The following LRRC75A variants were observed in gnomAD, a reference collection of about 807,000 sequenced individuals.
The protein encoded by LRRC75A is leucine-rich repeat-containing protein 75A.
Under a neutral mutation model 26.0 loss-of-function variants are expected in LRRC75A, and 12 were observed. The observed-to-expected ratio is 0.46, with a 90% confidence interval of 0.30 to 0.75. The LOEUF (loss-of-function observed/expected upper bound fraction) is 0.75. Among genes scored for constraint, LRRC75A ranks in the 30% least tolerant of loss-of-function variants. The pLI, the probability that LRRC75A is intolerant of heterozygous loss-of-function variation, is 0.08. For missense variants in LRRC75A, 410 were observed against 486.6 expected, an observed-to-expected ratio of 0.84 and a Z score of 1.48; for synonymous variants, 223 against 219.3, an observed-to-expected ratio of 1.02 and a Z score of -0.15.
chr17:16,484,912 C>T (rs191545209), intron 1 of LRRC75A, among the ~76,000 whole-genome samples: 10 of 150,598 alleles, frequency 6.6e-5, no homozygotes, highest in African/African-American at 2.0e-4. Flanking sequence ...CAGCAGCCGT[C>T]GGCAGAGCTC....
chr17:16,466,234 G>C (rs1027531112), intron 1 of LRRC75A, among the ~76,000 whole-genome samples: 2 of 152,218 alleles, frequency 1.3e-5, no homozygotes, highest in Non-Finnish European at 2.9e-5. Context: ...GTGTGAGGGA[G>C]GAGAGGTCAC....
rs972142529 is a variant in LRRC75A at position 16,449,079 on chromosome 17, T to TGCTGAGGCTTGGATGCAAGC, written c.376-1139_376-1120dup. 2.9e-4 allele frequency among the ~76,000 whole-genome samples: 44 copies of TGCTGAGGCTTGGATGCAAGC among 152,304 alleles called. 1 individual carries two copies. Among genetic ancestry groups the TGCTGAGGCTTGGATGCAAGC allele is most frequent in the African/African-American group, 9.1e-4 (38 of 41,564 alleles). ...AAGCGTGCTCCTGCCAGTGGGCCAG[T>TGCTGAGGCTTGGATGCAAGC]GCTGAGGCTTGGATGCAAGCGCTGA... On this transcript the variant is annotated intron_variant, in intron 2 of 3. Coordinates refer to ENST00000470794, the MANE Select transcript of LRRC75A (RefSeq NM_001113567.3).
intron 2 of LRRC75A, 44 bp from the exon 3 acceptor site, chr17:16,448,004 G>A (rs983847134): frequency 6.7e-7 from 1 of 1,492,588 alleles, no homozygotes; most frequent in Non-Finnish European, 9.1e-7. Flanking sequence ...GTGGCTGGGT[G>A]CACCAGTCTC....
Position 16,491,957 on chromosome 17 carries a change from C to T in LRRC75A, c.34G>A (p.Glu12Lys). Reference sequence around the variant, plus strand: ...GGCGCGGCGCCGGGGCTGGCTCTCTCCGCCAGGCTGCCCTTGGTCTGCCGG... The same window carrying T: ...GGCGCGGCGCCGGGGCTGGCTCTCTTCGCCAGGCTGCCCTTGGTCTGCCGG... ...GTRQTKGSLA[E>K]RASPGAAPGP... The change falls in exon 1 of 4, where the codon GAG (glutamate) becomes AAG (lysine). Residue 12 changes from glutamate (E) to lysine (K), a missense_variant. Transcript: ENST00000470794. This position sits in a 1 kb window ranked among gnomAD's most constrained non-coding sequence, Gnocchi z 5.9. The T allele has an allele frequency of 8.2e-7, 1 of 1,225,238 alleles. No individual in the cohort carries two copies. Among genetic ancestry groups the T allele is most frequent in the South Asian group, 3.1e-5 (1 of 32,766 alleles). 75.9% of individuals were successfully genotyped at this position (1,225,238 alleles called of 1,614,324 possible).
chr17:16,446,790 T>A (rs917625091), intron 3 of LRRC75A: 1 of 222,520 alleles, frequency 4.5e-6, no homozygotes, highest in Non-Finnish European at 9.5e-6. Context: ...CATTCCAGGT[T>A]CCAAGGGCCC....
chr17:16,481,352 C>T (rs985748950), intron 1 of LRRC75A, among the ~76,000 whole-genome samples: 6 of 152,192 alleles, frequency 3.9e-5, no homozygotes, highest in African/African-American at 1.4e-4. Flanking sequence ...TGCCCGCTCA[C>T]AGGAAGTGTG....
chr17:16,442,025 A>C lies in LRRC75A; in HGVS notation c.*1563T>G, dbSNP rs2093531640. 6.6e-6 allele frequency: 1 copy of C among 152,452 alleles called. No homozygotes were observed. Among genetic ancestry groups the C allele is most frequent in the African/African-American group, 2.4e-5 (1 of 41,446 alleles). The allele number at this position is 152,452 out of a possible 1,614,324, so 9.4% of individuals were successfully genotyped here. A position where few individuals can be genotyped will look rare whatever the true frequency, so the allele number is the denominator to read the frequency against. On this transcript the variant is annotated 3_prime_UTR_variant, in exon 4 of 4. Coordinates refer to ENST00000470794, the MANE Select transcript of LRRC75A (RefSeq NM_001113567.3). ...GGATGGTCTTGGGTGTCAATTCTTG[A>C]AAATGTGTATTTGAAGAAAAAGTAA...
chr17:16,467,508 T>C (rs1453205941), intron 1 of LRRC75A, among the ~76,000 whole-genome samples: 2 of 152,188 alleles, frequency 1.3e-5, no homozygotes, highest in East Asian at 1.9e-4. Context: ...CCAGTACATG[T>C]TTCCCCCCAG....
chr17:16,455,109 T>C (rs1209550081), intron 2 of LRRC75A, among the ~76,000 whole-genome samples: 1 of 151,078 alleles, frequency 6.6e-6, no homozygotes, highest in Non-Finnish European at 1.5e-5. Context: ...ATTTTTGTAT[T>C]TTTAGTAGAG....
At chr17:16,466,134 C>CT (rs1250189626) in intron 1 of LRRC75A, among the ~76,000 whole-genome samples, 1 of 152,242 alleles carries the variant, frequency 6.6e-6, no homozygotes, top group Admixed American at 6.5e-5. Flanking sequence ...TACTTCCTGC[C>CT]TCCTTGATGT....
chr17:16,447,175 C>T (rs555040882), intron 3 of LRRC75A: 2 of 235,820 alleles, frequency 8.5e-6, no homozygotes, highest in South Asian at 3.8e-5. Context: ...TTGCTTCCTA[C>T]GGTGTTATCA....
chr17:16,465,658 G>A lies in LRRC75A; in HGVS notation c.247-3272C>T, dbSNP rs141960473. 2.2e-3 allele frequency among the ~76,000 whole-genome samples: 337 copies of A among 152,318 alleles called. 4 individuals are homozygous for A. The highest frequency in any genetic ancestry group is 7.1e-3 in the African/African-American group (297 of 41,548). Reference sequence around the variant, plus strand: ...CTCCAAGCTAGTCTAGGCCATCCCTGGAAGGACCAAGAAAATCCCAGTTGC... The same window carrying A: ...CTCCAAGCTAGTCTAGGCCATCCCTAGAAGGACCAAGAAAATCCCAGTTGC... On this transcript the variant is annotated intron_variant, in intron 1 of 3. Transcript: ENST00000470794.
chr17:16,484,316 C>G (rs1008581145), intron 1 of LRRC75A, among the ~76,000 whole-genome samples: 1 of 152,046 alleles, frequency 6.6e-6, no homozygotes, highest in African/African-American at 2.4e-5. Context: ...AGCCTGGCGA[C>G]AGAGCGAGAC....
chr17:16,443,877 T>A lies in LRRC75A; in HGVS notation c.746A>T (p.Asp249Val). ...GNRLTRAVLRDLTDILKDPSK... is the reference protein window; with the variant it reads ...GNRLTRAVLRVLTDILKDPSK... ...GGGATCCTTAAGGATGTCAGTGAGG[T>A]CGCGCAGCACGGCCCGGGTCAACCG... is the stretch of plus-strand genomic sequence containing the variant. Residue 249 changes from aspartate (D) to valine (V), a missense_variant, in exon 4 of 4, where the codon GAC becomes GTC. Coordinates refer to ENST00000470794, the MANE Select transcript of LRRC75A (RefSeq NM_001113567.3). 1 of 1,613,466 alleles carries A rather than the reference T, an allele frequency of 6.2e-7. No homozygotes were observed. Among genetic ancestry groups the A allele is most frequent in the Non-Finnish European group, 8.5e-7 (1 of 1,179,488 alleles).
At chr17:16,450,154 T>C (rs1268072423) in intron 2 of LRRC75A, among the ~76,000 whole-genome samples, 1 of 152,156 alleles carries the variant, frequency 6.6e-6, no homozygotes, top group Non-Finnish European at 1.5e-5. Context: ...GTTATGGAAT[T>C]CCCACAGCAC....
intron 1 of LRRC75A, among the ~76,000 whole-genome samples, chr17:16,467,433 G>A (rs959574382): frequency 2.0e-5 from 3 of 152,204 alleles, no homozygotes; most frequent in Non-Finnish European, 2.9e-5. Context: ...CCACTCACTC[G>A]TTGATGCCTC....
chr17:16,460,010 C>T (rs113460336), intron 2 of LRRC75A, among the ~76,000 whole-genome samples: 8 of 152,284 alleles, frequency 5.3e-5, no homozygotes, highest in Admixed American at 1.3e-4. Flanking sequence ...CCAGAATTCA[C>T]GTGTTGAAAC....
chr17:16,448,906 G>A lies in LRRC75A; in HGVS notation c.376-946C>T, dbSNP rs141523023. 3.3e-5 allele frequency among the ~76,000 whole-genome samples: 5 copies of A among 152,286 alleles called. No individual in the cohort carries two copies. In the East Asian group the frequency reaches 9.6e-4, roughly 29 times the overall value. Reference sequence around the variant, plus strand: ...TTAGACCACCAGTCTGTGATTTTTTGTTATGGCAGACACTGGGTTAAATGG... The same window carrying A: ...TTAGACCACCAGTCTGTGATTTTTTATTATGGCAGACACTGGGTTAAATGG... On this transcript the variant is annotated intron_variant, in intron 2 of 3. Transcript: ENST00000470794.
At chr17:16,445,006 G>A (rs1200764197) in intron 3 of LRRC75A, among the ~76,000 whole-genome samples, 1 of 151,232 alleles carries the variant, frequency 6.6e-6, no homozygotes, top group Non-Finnish European at 1.5e-5. Flanking sequence ...CTGCCACCAC[G>A]CCTGGCTAAT....
Sources: allele counts gnomAD v4.1 joint callset (sites outside exome capture counted in the v4.1 genomes callset), GRCh38; gene constraint gnomAD v4.1.1; non-coding constraint Gnocchi (gnomAD v3.1); transcripts MANE v1.5; gene names NCBI Gene and HGNC (gene_info 2026-07-23, HGNC 2026-07-21).